Variants in RGS7 observed in about 807,000 individuals in gnomAD.
The protein encoded by RGS7 is regulator of G-protein signaling 7.
In RGS7, 27 loss-of-function variants were observed where a neutral mutation model predicts 81.1. The ratio of observed to expected loss-of-function variants is 0.33; its 90% CI spans 0.25 to 0.46. The LOEUF (loss-of-function observed/expected upper bound fraction) is 0.46, where lower values mean the gene tolerates loss of function less well. RGS7 is among the 20% of genes least tolerant of loss of function. The probability of loss-of-function intolerance (pLI) is 1.00; values close to 1 mark genes in which losing one functional copy is unlikely to be tolerated. For missense variants in RGS7, 396 were observed against 607.4 expected (o/e 0.65, Z 3.66); for synonymous variants, 208 against 207.7 (o/e 1.00, Z -0.01).
chr1:240,807,219 T>C (rs1689012337), intron 14 of RGS7, among the ~76,000 whole-genome samples: 1 of 152,218 alleles, frequency 6.6e-6, no homozygotes, highest in Non-Finnish European at 1.5e-5. Context: ...TTCAATATTT[T>C]GCTCTAGGCT....
intron 2 of RGS7, among the ~76,000 whole-genome samples, chr1:241,245,351 C>G (rs1186017223): frequency 6.7e-6 from 1 of 149,506 alleles, no homozygotes; most frequent in Non-Finnish European, 1.5e-5. Flanking sequence ...CCCCACACCC[C>G]CCTCCTCTTG....
At chr1:241,024,172 T>C (rs1424898250) in intron 3 of RGS7, among the ~76,000 whole-genome samples, 1 of 152,240 alleles carries the variant, frequency 6.6e-6, no homozygotes, top group Non-Finnish European at 1.5e-5. Context: ...TGAATCATCA[T>C]ACTTCAAAGG....
At chr1:241,242,130 G>A (rs1265668496) in intron 2 of RGS7, among the ~76,000 whole-genome samples, 1 of 151,498 alleles carries the variant, frequency 6.6e-6, no homozygotes, top group African/African-American at 2.4e-5. Context: ...AGTCCCCAAA[G>A]TCCACTGTAT....
chr1:240,806,653 C>T (rs369078722), intron 14 of RGS7, among the ~76,000 whole-genome samples: 3 of 151,898 alleles, frequency 2.0e-5, no homozygotes, highest in African/African-American at 4.8e-5. Context: ...GTCAGAGCCC[C>T]GTATAACACT....
At chr1:240,799,054 G>C (rs1281656863) in intron 18 of RGS7, among the ~76,000 whole-genome samples, 1 of 152,112 alleles carries the variant, frequency 6.6e-6, no homozygotes, top group Non-Finnish European at 1.5e-5. Flanking sequence ...TAAGATGCTT[G>C]ATACAGCTGC....
chr1:241,145,938 G>C (rs1009825802), intron 2 of RGS7, among the ~76,000 whole-genome samples: 1 of 152,136 alleles, frequency 6.6e-6, no homozygotes, highest in African/African-American at 2.4e-5. Context: ...TACAAGATAA[G>C]ATACTTCTCA....
At position 240,795,976 on chromosome 1, in the gene RGS7, G is replaced by A. The variant is rs927153204; in HGVS notation, c.*6+4665C>T. ...TAATTATTATTATTTTTGCAGAGAC[G>A]GGGTCTTGCCATGTTGCCCAGGTGG... On this transcript the variant is annotated intron_variant, in intron 18 of 18. Transcript: ENST00000440928. Among the ~76,000 whole-genome samples, 5 of 152,128 alleles carry A rather than the reference G, an allele frequency of 3.3e-5. No homozygotes were observed. The East Asian group carries it at 5.8e-4, about 18-fold the overall frequency.
intron 2 of RGS7, among the ~76,000 whole-genome samples, chr1:241,123,222 C>T (rs779974290): frequency 6.6e-5 from 10 of 152,138 alleles, no homozygotes; most frequent in Non-Finnish European, 1.5e-4. Flanking sequence ...TGTGGCTGGA[C>T]CAGCAGCTCC....
At chr1:240,930,662 C>T (rs1675286605) in intron 6 of RGS7, 55 bp downstream of exon 6, 14 of 1,485,170 alleles carry the variant, frequency 9.4e-6, no homozygotes, top group Non-Finnish European at 1.0e-5. Context: ...CGCAAGTACA[C>T]ATCCATCTAC....
chr1:241,199,856 C>T (rs1324753043), intron 2 of RGS7, among the ~76,000 whole-genome samples: 2 of 152,268 alleles, frequency 1.3e-5, no homozygotes, highest in South Asian at 2.1e-4. Flanking sequence ...GCTATCATCA[C>T]ACAGAAGGGG....
chr1:240,817,819 TC>T (rs1211715157), intron 10 of RGS7, among the ~76,000 whole-genome samples: 1 of 152,198 alleles, frequency 6.6e-6, no homozygotes, highest in Non-Finnish European at 1.5e-5. Flanking sequence ...GCCAGGCTGG[TC>T]TTGAACTCCT....
At chr1:240,977,783 A>G (rs1227339284) in intron 4 of RGS7, among the ~76,000 whole-genome samples, 1 of 152,222 alleles carries the variant, frequency 6.6e-6, no homozygotes, top group Non-Finnish European at 1.5e-5. Context: ...ACTGTAGTAC[A>G]TCAACAGTAC....
At chr1:240,999,573 T>G (rs141678333) in intron 3 of RGS7, among the ~76,000 whole-genome samples, 1 of 152,244 alleles carries the variant, frequency 6.6e-6, no homozygotes, top group East Asian at 1.9e-4. Flanking sequence ...TAGTTAGAGG[T>G]CTTCCTGGTT....
intron 2 of RGS7, among the ~76,000 whole-genome samples, chr1:241,185,307 A>T (rs180729829): frequency 6.6e-6 from 1 of 152,292 alleles, no homozygotes; most frequent in African/African-American, 2.4e-5. Context: ...TGAAATCTCT[A>T]TGACCACCTA....
intron 2 of RGS7, among the ~76,000 whole-genome samples, chr1:241,235,665 T>A (rs1047143117): frequency 3.7e-5 from 3 of 80,744 alleles, no homozygotes; most frequent in Non-Finnish European, 8.4e-5. Flanking sequence ...TTTCTTTCTC[T>A]TTCTCTCTCT....
chr1:240,849,019 C>T (rs1659607825), intron 9 of RGS7, among the ~76,000 whole-genome samples: 1 of 152,106 alleles, frequency 6.6e-6, no homozygotes, highest in African/African-American at 2.4e-5. Flanking sequence ...ATTTTGTTGC[C>T]TGTGTAAGGA....
At chr1:241,331,361 G>T (rs1382692280) in intron 2 of RGS7, among the ~76,000 whole-genome samples, 1 of 152,120 alleles carries the variant, frequency 6.6e-6, no homozygotes, top group Non-Finnish European at 1.5e-5. Flanking sequence ...ATCTAGGTTT[G>T]AATCCTGGCT....
intron 3 of RGS7, among the ~76,000 whole-genome samples, chr1:240,993,470 T>G (rs1212654279): frequency 1.3e-5 from 2 of 152,216 alleles, no homozygotes; most frequent in Non-Finnish European, 2.9e-5. Flanking sequence ...CTAATGGTAT[T>G]GAACATGTTT....
intron 3 of RGS7, among the ~76,000 whole-genome samples, chr1:241,072,549 T>C (rs1452941059): frequency 6.6e-6 from 1 of 152,168 alleles, no homozygotes; most frequent in Non-Finnish European, 1.5e-5. Flanking sequence ...CATTCAGCTC[T>C]AGTATGAAAT....
Sources: gnomAD v4.1 joint callset for allele counts (sites outside exome capture counted in the v4.1 genomes callset) on GRCh38, gnomAD v4.1.1 for gene constraint, MANE v1.5 for transcripts, NCBI Gene and HGNC (gene_info 2026-07-23, HGNC 2026-07-21) for gene names.